The following REXO2 variants were observed in gnomAD, a reference collection of about 807,000 sequenced individuals.
REXO2 encodes the protein RNA exonuclease 2.
In REXO2, 17 loss-of-function variants were observed where a neutral mutation model predicts 30.9. The observed-to-expected ratio is 0.55, with a 90% confidence interval of 0.38 to 0.82. REXO2 has a LOEUF of 0.82. Among genes scored for constraint, REXO2 ranks in the 40% least tolerant of loss-of-function variants. The probability of loss-of-function intolerance (pLI) is 0.00; values close to 1 mark genes in which losing one functional copy is unlikely to be tolerated. For synonymous variants in REXO2, 105 were observed against 99.6 expected, an observed-to-expected ratio of 1.05 and a Z score of -0.32; for missense variants, 253 against 293.2, an observed-to-expected ratio of 0.86 and a Z score of 1.00.
At chr11:114,447,255 A>T (rs561958963) in intron 5 of REXO2, among the ~76,000 whole-genome samples, 2 of 152,144 alleles carry the variant, frequency 1.3e-5, no homozygotes, top group Non-Finnish European at 2.9e-5. Flanking sequence ...CATCTTGGGG[A>T]GAAGAATGAA....
At chr11:114,440,119 C>T (rs1338681265) in intron 1 of REXO2, 1 of 466,084 alleles carries the variant, frequency 2.1e-6, no homozygotes, top group Admixed American at 2.3e-5. Flanking sequence ...AACATTGAGG[C>T]CCACAGAAAG....
rs983411677 is a variant in REXO2 at position 114,447,809 on chromosome 11, A to G, written c.531-17A>G. 1.7e-5 allele frequency: 28 copies of G among 1,605,550 alleles called. No individual in the cohort carries two copies. The highest frequency in any genetic ancestry group is 2.3e-5 in the Non-Finnish European group (27 of 1,176,730). On this transcript the variant is annotated splice_polypyrimidine_tract_variant and intron_variant, in intron 5 of 6. Coordinates refer to ENST00000265881, the MANE Select transcript of REXO2 (RefSeq NM_015523.4). ...TGAGACAGCTTCCTTTGAGAGTTCC[A>G]TTTCTGCTGTGTATAGACGCTGGTA... is the stretch of plus-strand genomic sequence containing the variant.
chr11:114,440,864 C>T lies in REXO2; in HGVS notation c.231+125C>T, dbSNP rs868361795. 60 of 681,498 alleles carry T rather than the reference C, an allele frequency of 8.8e-5. 1 individual carries two copies. In the South Asian group the frequency reaches 1.1e-3, roughly 12 times the overall value. 42.2% of individuals were successfully genotyped at this position (681,498 alleles called of 1,614,324 possible). A position where few individuals can be genotyped will look rare whatever the true frequency, so the allele number is the denominator to read the frequency against. Reference sequence around the variant, plus strand: ...GGTCTATATGGGTTAAGGTAATGTGCTAGGTCATGGTAGGGGTGGTACTAG... The same window carrying T: ...GGTCTATATGGGTTAAGGTAATGTGTTAGGTCATGGTAGGGGTGGTACTAG... On this transcript the variant is annotated intron_variant, in intron 2 of 6. Coordinates refer to ENST00000265881, the MANE Select transcript of REXO2 (RefSeq NM_015523.4).
chr11:114,443,629 T>C (rs1183203727), intron 2 of REXO2, among the ~76,000 whole-genome samples: 2 of 152,174 alleles, frequency 1.3e-5, no homozygotes, highest in African/African-American at 4.8e-5. Context: ...GATAGATATC[T>C]GTGTCATCTA....
chr11:114,444,120 C>T (rs1212754836), intron 3 of REXO2, 187 bp downstream of exon 3: 2 of 666,454 alleles, frequency 3.0e-6, no homozygotes, highest in Admixed American at 2.1e-5. Flanking sequence ...TCATCTTCTC[C>T]TGAATGTCCT....
At chr11:114,448,252 GAC>G (rs1373235343) in intron 6 of REXO2, among the ~76,000 whole-genome samples, 1 of 152,094 alleles carries the variant, frequency 6.6e-6, no homozygotes, top group African/African-American at 2.4e-5. Flanking sequence ...TGCCTACTTT[GAC>G]ACTTGTTATA....
At chr11:114,447,641 C>T (rs901991154) in intron 5 of REXO2, among the ~76,000 whole-genome samples, 185 bp from the exon 6 acceptor site, 1 of 151,806 alleles carries the variant, frequency 6.6e-6, no homozygotes, top group Admixed American at 6.6e-5. Flanking sequence ...CACTGATGAG[C>T]TTGCTCATAG....
At chr11:114,448,742 T>C (rs1278681548) in intron 6 of REXO2, among the ~76,000 whole-genome samples, 2 of 152,226 alleles carry the variant, frequency 1.3e-5, no homozygotes, top group East Asian at 3.8e-4. Flanking sequence ...CAGTGAAACG[T>C]GTATATTCAC....
Position 114,439,492 on chromosome 11 carries a change from GCTGCGAGACTGGGGCCGT to G in REXO2, c.-36_-19del. ...GACTATTGCGCCTGCGCCAGCGCCG[GCTGCGAGACTGGGGCCGT>G]GGCTGCTGGTCCCGGGTGATGCTAG... On this transcript the variant is annotated 5_prime_UTR_variant, in exon 1 of 7. Transcript: ENST00000265881. The G allele has an allele frequency of 6.3e-7, 1 of 1,597,108 alleles. No individual in the cohort carries two copies. The highest frequency in any genetic ancestry group is 2.2e-5 in the East Asian group (1 of 44,606).
At chr11:114,448,740 C>A (rs540048088) in intron 6 of REXO2, among the ~76,000 whole-genome samples, 1 of 152,180 alleles carries the variant, frequency 6.6e-6, no homozygotes. Context: ...TGCAGTGAAA[C>A]GTGTATATTC....
At chr11:114,445,722 G>A (rs1225426881) in intron 4 of REXO2, 2 of 343,038 alleles carry the variant, frequency 5.8e-6, no homozygotes, top group Non-Finnish European at 1.1e-5. Context: ...TCAAGCATGT[G>A]GAATGATAGA....
chr11:114,449,864 T>C lies in REXO2; in HGVS notation c.603T>C (p.Ser201=), dbSNP rs915124024. 5 of 1,610,178 alleles carry C rather than the reference T, an allele frequency of 3.1e-6. No individual in the cohort carries two copies. The highest frequency in any genetic ancestry group is 4.2e-6 in the Non-Finnish European group (5 of 1,178,068). The change falls in exon 7 of 7, where the codon AGT becomes AGC. Residue 201 remains serine (S), a synonymous_variant. Coordinates refer to ENST00000265881, the MANE Select transcript of REXO2 (RefSeq NM_015523.4). ...CTTATAGGGCACTTGATGACATTAG[T>C]GAAAGCATCAAAGAGCTTCAGTTTT... ...AASHRALDDI[S]ESIKELQFYR...
chr11:114,446,803 T>A (rs1946512039), intron 5 of REXO2, among the ~76,000 whole-genome samples: 1 of 152,148 alleles, frequency 6.6e-6, no homozygotes, highest in Admixed American at 6.6e-5. Flanking sequence ...TTGCACACCA[T>A]GCCAGTGAAG....
intron 1 of REXO2, 110 bp from the exon 2 acceptor site, chr11:114,440,546 C>T (rs1946469532): frequency 5.1e-6 from 4 of 780,172 alleles, no homozygotes; most frequent in Non-Finnish European, 8.5e-6. Context: ...TCTGTTTCGG[C>T]TATGGATTAC....
Position 114,442,693 on chromosome 11 carries a change from G to A in REXO2, c.232-1163G>A, listed in dbSNP as rs1328687246. ...TTTTATCCTGTTAACATTTCTATGA[G>A]GGAAGGGGTACAGTTTATTATTATC... is the stretch of plus-strand genomic sequence containing the variant. On this transcript the variant is annotated intron_variant, in intron 2 of 6. Coordinates refer to ENST00000265881, the MANE Select transcript of REXO2 (RefSeq NM_015523.4). Among the ~76,000 whole-genome samples, 8 of 152,250 alleles carry A rather than the reference G, an allele frequency of 5.3e-5. No homozygotes were observed. In the East Asian group the frequency reaches 1.2e-3, roughly 22 times the overall value.
chr11:114,448,011 A>G, intron 6 of REXO2, 132 bp downstream of exon 6: 3 of 678,910 alleles, frequency 4.4e-6, no homozygotes, highest in Non-Finnish European at 7.5e-6. Context: ...CATAAACATA[A>G]CATTCTTTTA....
intron 6 of REXO2, chr11:114,449,288 G>C (rs1416482863): frequency 6.6e-6 from 1 of 152,324 alleles, no homozygotes; most frequent in African/African-American, 2.4e-5. Flanking sequence ...CATGACTTAT[G>C]TTCAAGTGTG....
intron 4 of REXO2, 39 bp from the exon 5 acceptor site, chr11:114,445,940 T>C: frequency 9.4e-7 from 1 of 1,066,112 alleles, no homozygotes; most frequent in Non-Finnish European, 1.5e-6. Context: ...TGTATAATAC[T>C]AGAAATATAG....
Position 114,439,479 on chromosome 11 carries a change from TG to T in REXO2, c.-49del, listed in dbSNP as rs769394889. On this transcript the variant is annotated 5_prime_UTR_variant, in exon 1 of 7. Coordinates refer to ENST00000265881, the MANE Select transcript of REXO2 (RefSeq NM_015523.4). Reference sequence around the variant, plus strand: ...TGCGACGTTTAGCGACTATTGCGCCTGCGCCAGCGCCGGCTGCGAGACTGGG... The same window carrying T: ...TGCGACGTTTAGCGACTATTGCGCCTCGCCAGCGCCGGCTGCGAGACTGGG... 6.3e-7 allele frequency: 1 copy of T among 1,591,610 alleles called. No homozygotes were observed. The highest frequency in any genetic ancestry group is 8.5e-7 in the Non-Finnish European group (1 of 1,175,902).
Sources: gnomAD v4.1 joint callset for allele counts (sites outside exome capture counted in the v4.1 genomes callset) on GRCh38, gnomAD v4.1.1 for gene constraint, MANE v1.5 for transcripts, NCBI Gene and HGNC (gene_info 2026-07-23, HGNC 2026-07-21) for gene names.